The following BCAS3 variants were observed in gnomAD, a reference collection of about 807,000 sequenced individuals.
BCAS3 encodes the protein BCAS3 microtubule associated cell migration factor, also known as BCAS4/BCAS3 fusion.
Under a neutral mutation model 116.1 loss-of-function variants are expected in BCAS3, and 53 were observed. The ratio of observed to expected loss-of-function variants is 0.46; its 90% CI spans 0.37 to 0.57. The LOEUF (loss-of-function observed/expected upper bound fraction) is 0.57. Among genes scored for constraint, BCAS3 ranks in the 20% least tolerant of loss-of-function variants. The pLI, the probability that BCAS3 is intolerant of heterozygous loss-of-function variation, is 0.00. For synonymous variants in BCAS3, 391 were observed against 408.2 expected (o/e 0.96, Z 0.51); for missense variants, 917 against 1,165.4 (o/e 0.79, Z 3.10).
chr17:60,793,021 A>G (rs2046909051), intron 6 of BCAS3, among the ~76,000 whole-genome samples: 1 of 151,940 alleles, frequency 6.6e-6, no homozygotes, highest in South Asian at 2.1e-4. Flanking sequence ...GGTGTATTTC[A>G]CTTATAATGT....
chr17:60,920,982 T>C (rs1235860339), intron 12 of BCAS3, among the ~76,000 whole-genome samples: 1 of 152,134 alleles, frequency 6.6e-6, no homozygotes, highest in Non-Finnish European at 1.5e-5. Flanking sequence ...GGCATCTGAA[T>C]TAGTTCAGCC....
At chr17:60,693,008 G>T (rs756648703) in intron 4 of BCAS3, among the ~76,000 whole-genome samples, 3 of 151,846 alleles carry the variant, frequency 2.0e-5, no homozygotes, top group Non-Finnish European at 4.4e-5. Flanking sequence ...AAGGAGAATC[G>T]CTTGAACGCA....
intron 22 of BCAS3, among the ~76,000 whole-genome samples, chr17:61,329,441 C>T (rs1602724973): frequency 6.7e-6 from 1 of 150,136 alleles, no homozygotes; most frequent in Admixed American, 6.7e-5. Flanking sequence ...CCCGAGTTCA[C>T]GCCATTCTCC....
chr17:61,120,946 G>A (rs757794356), intron 22 of BCAS3, among the ~76,000 whole-genome samples: 36 of 151,686 alleles, frequency 2.4e-4, no homozygotes, highest in Non-Finnish European at 4.1e-4. Context: ...TAAGGAAACC[G>A]GGACATTTAT....
In BCAS3 at chr17:61,309,660, A is replaced by C. The variant is rs1378250391; in HGVS notation, c.2426-58667A>C. On this transcript the variant is annotated intron_variant, in intron 22 of 23. Transcript: ENST00000407086. The surrounding 1 kb of genome is among the most constrained non-coding windows in gnomAD (Gnocchi z 4.6). Reference sequence around the variant, plus strand: ...GTTCTCCGTCCCAAGGAAAACACACACATCCAGAAGGCACTGTGAGCAAAG... The same window carrying C: ...GTTCTCCGTCCCAAGGAAAACACACCCATCCAGAAGGCACTGTGAGCAAAG... Among the ~76,000 whole-genome samples the C allele has an allele frequency of 6.6e-6, 1 of 152,200 alleles. No homozygotes were observed. Among genetic ancestry groups the C allele is most frequent in the Non-Finnish European group, 1.5e-5 (1 of 68,034 alleles).
chr17:61,033,205 G>A lies in BCAS3; in HGVS notation c.1638-1461G>A, dbSNP rs1327309038. ...TTTACCTGCTTTGTCTAATATAGTG[G>A]TTCTCAGAGTTGAGCATGCATCAGA... is the stretch of plus-strand genomic sequence containing the variant. On this transcript the variant is annotated intron_variant, in intron 16 of 23. Transcript: ENST00000407086. 3.3e-5 allele frequency among the ~76,000 whole-genome samples: 5 copies of A among 152,096 alleles called. No individual in the cohort carries two copies. The East Asian group carries it at 9.6e-4, about 29-fold the overall frequency.
At chr17:61,291,243 C>T (rs1429284563) in intron 22 of BCAS3, among the ~76,000 whole-genome samples, 1 of 152,150 alleles carries the variant, frequency 6.6e-6, no homozygotes, top group Non-Finnish European at 1.5e-5. Context: ...ACGAATAACC[C>T]AGGCTCCAAC....
intron 7 of BCAS3, among the ~76,000 whole-genome samples, chr17:60,864,647 T>C (rs1326355920): frequency 6.6e-6 from 1 of 152,176 alleles, no homozygotes; most frequent in Non-Finnish European, 1.5e-5. Context: ...TTCACTGGAG[T>C]AGCACTTTTA....
chr17:61,232,200 GAA>G (rs71148394), intron 22 of BCAS3, among the ~76,000 whole-genome samples: 18 of 72,488 alleles, frequency 2.5e-4, no homozygotes, highest in South Asian at 1.9e-3. Context: ...GAAAGACTCC[GAA>G]AAAAAAAAAA....
chr17:61,388,649 A>C lies in BCAS3; in HGVS notation c.2594-3328A>C. ...AAAAAGGAAAAAAAAAACAATGCCA[A>C]CAGCCCAGCGTCCGTGAGCAACCCA... On this transcript the variant is annotated intron_variant, in intron 23 of 23. Transcript: ENST00000407086. This position sits in a 1 kb window ranked among gnomAD's most constrained non-coding sequence, Gnocchi z 6.5. 5.8e-6 allele frequency: 9 copies of C among 1,543,158 alleles called. No homozygotes were observed. The highest frequency in any genetic ancestry group is 7.8e-6 in the Non-Finnish European group (9 of 1,151,520).
intron 7 of BCAS3, 124 bp downstream of exon 7, chr17:60,808,200 A>G (rs1310528176): frequency 4.4e-6 from 3 of 679,370 alleles, no homozygotes; most frequent in Non-Finnish European, 7.4e-6. Context: ...GAGAAGAAGA[A>G]GAAAGTAAAA....
chr17:60,779,462 C>T (rs1317499358), intron 6 of BCAS3, among the ~76,000 whole-genome samples: 3 of 151,698 alleles, frequency 2.0e-5, no homozygotes, highest in Non-Finnish European at 2.9e-5. Flanking sequence ...CTCCGCCTCC[C>T]AGGTTCAAGC....
chr17:60,826,426 C>T (rs1405890204), intron 7 of BCAS3, among the ~76,000 whole-genome samples: 5 of 152,002 alleles, frequency 3.3e-5, no homozygotes, highest in South Asian at 4.1e-4. Flanking sequence ...TCTCTCGTGT[C>T]GGCCTCTCAA....
rs1309635421 is a variant in BCAS3, at chr17:61,376,404, T to C, written c.2593+7910T>C. 1.3e-5 allele frequency among the ~76,000 whole-genome samples: 2 copies of C among 152,178 alleles called. No homozygotes were observed. The highest frequency in any genetic ancestry group is 3.9e-4 in the East Asian group (2 of 5,192). On this transcript the variant is annotated intron_variant, in intron 23 of 23. Transcript: ENST00000407086. The surrounding 1 kb of genome is among the most constrained non-coding windows in gnomAD (Gnocchi z 4.5). ...ACACACAACCACCAAGCTGCTTTGA[T>C]CTTTCCAGAGAATCTTCTCTCCTCT...
chr17:61,077,300 C>T lies in BCAS3; in HGVS notation c.2131-1033C>T, dbSNP rs1168623289. On this transcript the variant is annotated intron_variant, in intron 20 of 23. Transcript: ENST00000407086. This position sits in a 1 kb window ranked among gnomAD's most constrained non-coding sequence, Gnocchi z 4.3. ...TGGGAGGCCGAGGCAGGCGGATCAC[C>T]AGGTCAGGAGACCAAGACCATCCTG... Among the ~76,000 whole-genome samples the T allele has an allele frequency of 6.6e-6, 1 of 152,046 alleles. No individual in the cohort carries two copies. Among genetic ancestry groups the T allele is most frequent in the African/African-American group, 2.4e-5 (1 of 41,394 alleles).
intron 22 of BCAS3, among the ~76,000 whole-genome samples, chr17:61,185,776 T>TA (rs1292161060): frequency 1.2e-4 from 18 of 152,206 alleles, no homozygotes. Context: ...AGTCATTTAT[T>TA]AAAAAATTTG....
In BCAS3 at chr17:61,376,524, C is replaced by T. The variant is rs2059348626; in HGVS notation, c.2593+8030C>T. ...TCCTGAAAGTAGGAATCGCTCTCCT[C>T]TCCAGGATCCCCAGTGTGGCCGCCC... is the stretch of plus-strand genomic sequence containing the variant. On this transcript the variant is annotated intron_variant, in intron 23 of 23. Coordinates refer to ENST00000407086, the MANE Select transcript of BCAS3 (RefSeq NM_017679.5). The surrounding 1 kb of genome is among the most constrained non-coding windows in gnomAD (Gnocchi z 4.5). Among the ~76,000 whole-genome samples, 1 of 152,232 alleles carries T rather than the reference C, an allele frequency of 6.6e-6. No homozygotes were observed. Among genetic ancestry groups the T allele is most frequent in the Admixed American group, 6.5e-5 (1 of 15,292 alleles).
intron 6 of BCAS3, among the ~76,000 whole-genome samples, chr17:60,769,857 C>T (rs993795277): frequency 7.9e-5 from 12 of 152,062 alleles, no homozygotes; most frequent in Non-Finnish European, 1.8e-4. Context: ...TCACTGCAAC[C>T]TCCATCTCCC....
intron 22 of BCAS3, among the ~76,000 whole-genome samples, chr17:61,319,408 G>T (rs1165012155): frequency 2.0e-5 from 3 of 152,154 alleles, no homozygotes; most frequent in African/African-American, 7.2e-5. Flanking sequence ...CAATTCTGCT[G>T]GGATTAGTAT....
Sources: gnomAD v4.1 joint callset for allele counts (sites outside exome capture counted in the v4.1 genomes callset) on GRCh38, gnomAD v4.1.1 for gene constraint, Gnocchi (gnomAD v3.1) non-coding constraint, MANE v1.5 for transcripts, NCBI Gene and HGNC (gene_info 2026-07-23, HGNC 2026-07-21) for gene names.